The following ITPRID2 variants were observed in gnomAD, a reference collection of about 807,000 sequenced individuals.
ITPRID2 encodes ITPR interacting domain containing 2, also known as protein ITPRID2.
ITPRID2 carries 60 observed loss-of-function variants against 124.3 expected under a neutral mutation model. The ratio of observed to expected loss-of-function variants is 0.48; its 90% confidence interval spans 0.39 to 0.60. ITPRID2 has a LOEUF of 0.60. Among genes scored for constraint, ITPRID2 ranks in the 20% least tolerant of loss-of-function variants. The pLI is 0.00. For missense variants in ITPRID2, 1,553 were observed against 1,512.2 expected, an observed-to-expected ratio of 1.03 and a Z score of -0.45; for synonymous variants, 521 against 542.9, an observed-to-expected ratio of 0.96 and a Z score of 0.56.
rs775764260 is a variant in ITPRID2 at position 181,902,226 on chromosome 2, T to G, written c.1173T>G (p.Thr391=). 1 of 1,613,116 alleles carries G rather than the reference T, an allele frequency of 6.2e-7. No homozygotes were observed. Among genetic ancestry groups the G allele is most frequent in the Non-Finnish European group, 8.5e-7 (1 of 1,179,536 alleles). ...DEANSNFNQG[T]ENEQSKETQS... is the part of the protein sequence containing the mutation. ...CAAATAGTAATTTTAACCAAGGAAC[T>G]GAAAATGAACAAAGTAAAGAAACTC... is the stretch of plus-strand genomic sequence containing the variant. Residue 391 remains threonine, a synonymous_variant, in exon 8 of 18, where the codon ACT becomes ACG. Transcript: ENST00000431877. This position sits in a 1 kb window ranked among gnomAD's most constrained non-coding sequence, Gnocchi z 4.4.
intron 16 of ITPRID2, among the ~76,000 whole-genome samples, chr2:181,924,037 T>C (rs1429418006): frequency 6.6e-6 from 1 of 152,198 alleles, no homozygotes; most frequent in Non-Finnish European, 1.5e-5. Flanking sequence ...GCAAGGCAAA[T>C]GTTCAAAGAA....
chr2:181,917,645 T>C (rs1460504796), intron 11 of ITPRID2: 1 of 152,500 alleles, frequency 6.6e-6, no homozygotes, highest in Non-Finnish European at 1.5e-5. Flanking sequence ...CACCCTACAC[T>C]AGTGGACAGG....
At chr2:181,895,142 C>T (rs1390440297) in intron 2 of ITPRID2, among the ~76,000 whole-genome samples, 2 of 151,898 alleles carry the variant, frequency 1.3e-5, no homozygotes, top group South Asian at 2.1e-4. Context: ...GTAACATTTC[C>T]TTGAAACTGA....
intron 9 of ITPRID2, among the ~76,000 whole-genome samples, chr2:181,912,710 C>T (rs1574262645): frequency 1.3e-5 from 2 of 152,266 alleles, no homozygotes; most frequent in East Asian, 3.9e-4. Context: ...TCTCTTGAAG[C>T]TTCTGCCTTG....
intron 16 of ITPRID2, among the ~76,000 whole-genome samples, chr2:181,922,756 A>G (rs997803220): frequency 1.3e-5 from 2 of 152,118 alleles, no homozygotes; most frequent in Non-Finnish European, 2.9e-5. Flanking sequence ...CTCTTCGAGG[A>G]TTAAAAACTG....
intron 8 of ITPRID2, among the ~76,000 whole-genome samples, chr2:181,906,160 T>G (rs1473051916): frequency 1.3e-5 from 2 of 150,036 alleles, no homozygotes; most frequent in Admixed American, 1.3e-4. Context: ...CTTTATTCAT[T>G]TTCTAGTTTC....
In ITPRID2 at chr2:181,892,169, C is replaced by A; in HGVS notation, c.103C>A (p.Gln35Lys). The change falls in exon 1 of 18, where the codon CAA becomes AAA. Residue 35 changes from glutamine (Q) to lysine (K), a missense_variant. Gln to Lys is a moderately conservative substitution (Grantham distance 53, BLOSUM62 1). Transcript: ENST00000431877. The surrounding 1 kb of genome is among the most constrained non-coding windows in gnomAD (Gnocchi z 5.2). ...KAWAKCRSSWQASETEDLSTE... is the reference protein window; with the variant it reads ...KAWAKCRSSWKASETEDLSTE... ...CTGGGCCAAGTGCCGCAGCTCCTGG[C>A]AAGCGTCGGAGACGGAGGATCTGTC... 1 of 1,554,516 alleles carries A rather than the reference C, an allele frequency of 6.4e-7. No homozygotes were observed. The highest frequency in any genetic ancestry group is 8.7e-7 in the Non-Finnish European group (1 of 1,149,104).
chr2:181,894,463 A>C (rs776629712), intron 2 of ITPRID2: 2 of 152,196 alleles, frequency 1.3e-5, no homozygotes, highest in Non-Finnish European at 2.9e-5. Flanking sequence ...TAGAACAAGT[A>C]GTCTTTTAAT....
chr2:181,918,207 C>T (rs930283719), intron 11 of ITPRID2: 5 of 692,506 alleles, frequency 7.2e-6, no homozygotes, highest in Non-Finnish European at 8.9e-6. Context: ...GCTAAGATGT[C>T]TGAGAAAGAC....
At chr2:181,918,272 A>T (rs766519349) in intron 11 of ITPRID2, 39 of 1,077,178 alleles carry the variant, frequency 3.6e-5, no homozygotes, top group Middle Eastern at 4.2e-4. Context: ...TCTCATGATG[A>T]TATTTGCAAT....
Position 181,900,763 on chromosome 2 carries a change from C to T in ITPRID2, c.571C>T (p.Arg191Cys), listed in dbSNP as rs140565496. The T allele has an allele frequency of 5.3e-5, 85 of 1,612,912 alleles. No individual in the cohort carries two copies. The highest frequency in any genetic ancestry group is 8.0e-5 in the African/African-American group (6 of 74,804). Residue 191 changes from arginine (R) to cysteine (C), a missense_variant, in exon 7 of 18, where the codon CGT (arginine) becomes TGT (cysteine). By Grantham distance (180) the Arg-to-Cys change is radical. Coordinates refer to ENST00000431877, the MANE Select transcript of ITPRID2 (RefSeq NM_001130445.3). ...AATTCTTTATAATCTTGGATTTGGA[C>T]GTGATGAACCAGATATTGCTTCTAA... ...EEILYNLGFGRDEPDIASKIP... is the reference protein window; with the variant it reads ...EEILYNLGFGCDEPDIASKIP...
At chr2:181,899,601 C>G (rs753210400) in intron 6 of ITPRID2, among the ~76,000 whole-genome samples, 28 of 152,116 alleles carry the variant, frequency 1.8e-4, no homozygotes, top group Admixed American at 3.9e-4. Context: ...TTTGGAGTGT[C>G]AAAGTGGGTG....
chr2:181,909,358 G>A (rs532033159), intron 8 of ITPRID2, among the ~76,000 whole-genome samples: 23 of 152,232 alleles, frequency 1.5e-4, no homozygotes, highest in African/African-American at 4.8e-4. Context: ...TCAAAGATGC[G>A]AGACTTATAA....
chr2:181,906,912 C>T (rs1574243056), intron 8 of ITPRID2, among the ~76,000 whole-genome samples: 3 of 152,290 alleles, frequency 2.0e-5, no homozygotes, highest in East Asian at 3.9e-4. Flanking sequence ...AAGAACTAAT[C>T]ATCTGATGCA....
chr2:181,914,712 A>G (rs80046217), intron 10 of ITPRID2, among the ~76,000 whole-genome samples: 2 of 152,318 alleles, frequency 1.3e-5, no homozygotes, highest in East Asian at 3.9e-4. Flanking sequence ...ACTTGGGGAA[A>G]GTGTTCAGCT....
At position 181,928,191 on chromosome 2, in the gene ITPRID2, C is replaced by T. The variant is rs201351475; in HGVS notation, c.3706C>T (p.Arg1236Trp). 7.5e-5 allele frequency: 116 copies of T among 1,549,542 alleles called. No homozygotes were observed. The highest frequency in any genetic ancestry group is 9.6e-5 in the Non-Finnish European group (110 of 1,145,844). Residue 1236 changes from arginine to tryptophan, a missense_variant, in exon 17 of 18, where the codon CGG becomes TGG. By Grantham distance (101) the Arg-to-Trp change is moderately radical. Coordinates refer to ENST00000431877, the MANE Select transcript of ITPRID2 (RefSeq NM_001130445.3). ...IKESIVGEIRREIVSGLLAAV... is the reference protein window; with the variant it reads ...IKESIVGEIRWEIVSGLLAAV... ...AGAGTCTATTGTTGGGGAAATCAGA[C>T]GGGAAATTGTAAGTGGACTTTTGGC... is the stretch of plus-strand genomic sequence containing the variant.
At chr2:181,898,719 T>C in intron 4 of ITPRID2, 161 bp from the exon 5 acceptor site, 1 of 667,952 alleles carries the variant, frequency 1.5e-6, no homozygotes, top group Non-Finnish European at 2.6e-6. Flanking sequence ...TCTATCTGTA[T>C]ATCACTTTTA....
At chr2:181,894,962 G>A (rs79771714) in intron 2 of ITPRID2, among the ~76,000 whole-genome samples, 2,493 of 152,034 alleles carry the variant, frequency 0.016, 59 homozygotes, top group African/African-American at 0.057. Flanking sequence ...ACTTTTTAAA[G>A]ACATACATTA....
chr2:181,900,684 C>CT lies in ITPRID2; in HGVS notation c.504-5dup, dbSNP rs760322941. On this transcript the variant is annotated splice_polypyrimidine_tract_variant and intron_variant, in intron 6 of 17. Coordinates refer to ENST00000431877, the MANE Select transcript of ITPRID2 (RefSeq NM_001130445.3). Reference sequence around the variant, plus strand: ...ATTTTCATGTTTCCTTTTTTGCCCCCTTTTTTTGTAGTGTTTCAGAATTGT... The same window carrying CT: ...ATTTTCATGTTTCCTTTTTTGCCCCCTTTTTTTTGTAGTGTTTCAGAATTGT... 1.9e-6 allele frequency: 3 copies of CT among 1,579,114 alleles called. No individual in the cohort carries two copies. The highest frequency in any genetic ancestry group is 2.2e-5 in the East Asian group (1 of 44,470).
Sources: gnomAD v4.1 joint callset for allele counts (sites outside exome capture counted in the v4.1 genomes callset) on GRCh38, gnomAD v4.1.1 for gene constraint, Gnocchi (gnomAD v3.1) non-coding constraint, MANE v1.5 for transcripts, NCBI Gene and HGNC (gene_info 2026-07-23, HGNC 2026-07-21) for gene names.